The following TMEM17 variants were observed in gnomAD, a reference collection of about 807,000 sequenced individuals.
TMEM17 encodes transmembrane protein 17.
TMEM17 carries 15 observed loss-of-function variants against 19.1 expected under a neutral mutation model. That is an observed-to-expected ratio of 0.78 (90% CI 0.52 to 1.21). The LOEUF is 1.21. TMEM17 is among the 50% of genes most tolerant of loss of function. The pLI is 0.00. For missense variants in TMEM17, 245 were observed against 242.3 expected, an observed-to-expected ratio of 1.01 and a Z score of -0.07; for synonymous variants, 103 against 86.9, an observed-to-expected ratio of 1.19 and a Z score of -1.03.
intron 1 of TMEM17, among the ~76,000 whole-genome samples, chr2:62,503,357 C>G (rs1325115619): frequency 2.0e-5 from 3 of 152,114 alleles, no homozygotes; most frequent in Non-Finnish European, 4.4e-5. Context: ...ATACCTTTCC[C>G]CTTTAGGTAC....
rs761041103 is a variant in TMEM17, at chr2:62,501,230, C to T, written c.576G>A (p.Arg192=). 1 of 1,614,176 alleles carries T rather than the reference C, an allele frequency of 6.2e-7. No homozygotes were observed. The highest frequency in any genetic ancestry group is 1.6e-4 in the Middle Eastern group (1 of 6,062). Residue 192 remains arginine (R), a synonymous_variant, in exon 4 of 4, where the codon AGG becomes AGA. Coordinates refer to ENST00000335390, the MANE Select transcript of TMEM17 (RefSeq NM_198276.3). Reference sequence around the variant, plus strand: ...TGGATCAGATCTCTTCTATACATGACCTCATCCTTCTCATGTCTCCTCTGT... The same window carrying T: ...TGGATCAGATCTCTTCTATACATGATCTCATCCTTCTCATGTCTCCTCTGT... ...SANRGDMRRM[R]SCIEEI is the part of the protein sequence containing the mutation.
chr2:62,479,580 C>T, the TMEM17 span, among the ~76,000 whole-genome samples: 1 of 151,966 alleles, frequency 6.6e-6, no homozygotes, highest in African/African-American at 2.4e-5. Flanking sequence ...ATTTCCTTTC[C>T]TTTGTATAAA....
At chr2:62,501,758 GAT>G in intron 3 of TMEM17, 1 of 327,570 alleles carries the variant, frequency 3.1e-6, no homozygotes, top group Non-Finnish European at 5.6e-6. Context: ...ATAAGGGAGT[GAT>G]TAGGGTAGGT....
the TMEM17 span, among the ~76,000 whole-genome samples, chr2:62,453,571 G>A: frequency 1.3e-5 from 2 of 152,114 alleles, no homozygotes; most frequent in African/African-American, 4.8e-5. Flanking sequence ...TCTATGCCAG[G>A]CTGCTATTAG....
the TMEM17 span, among the ~76,000 whole-genome samples, chr2:62,480,779 A>G: frequency 6.6e-6 from 1 of 152,190 alleles, no homozygotes; most frequent in Non-Finnish European, 1.5e-5. Flanking sequence ...GTCTGTTTTT[A>G]TGCCAATACC....
At chr2:62,458,008 C>T in the TMEM17 span, among the ~76,000 whole-genome samples, 6 of 152,202 alleles carry the variant, frequency 3.9e-5, no homozygotes, top group African/African-American at 1.2e-4. Context: ...TTGCTACTAG[C>T]TGGGTGGCAG....
At chr2:62,460,777 C>T in the TMEM17 span, among the ~76,000 whole-genome samples, 3 of 152,218 alleles carry the variant, frequency 2.0e-5, no homozygotes, top group Non-Finnish European at 4.4e-5. Context: ...GCACTTTTGT[C>T]TCCAGACAAA....
At chr2:62,457,981 G>A in the TMEM17 span, among the ~76,000 whole-genome samples, 13 of 152,166 alleles carry the variant, frequency 8.5e-5, no homozygotes, top group Non-Finnish European at 1.5e-4. The surrounding 1 kb of genome is among the most constrained non-coding windows in gnomAD (Gnocchi z 4.2). Context: ...AAAAAGACCC[G>A]GGTGTTAGAT....
downstream of TMEM17, among the ~76,000 whole-genome samples, chr2:62,498,092 A>G (rs926702152): frequency 2.6e-5 from 4 of 152,222 alleles, no homozygotes; most frequent in African/African-American, 9.7e-5. Flanking sequence ...TTTTAAAACA[A>G]TTTTGATTTA....
downstream of TMEM17, among the ~76,000 whole-genome samples, chr2:62,496,528 T>C (rs1419982867): frequency 6.6e-6 from 1 of 152,192 alleles, no homozygotes; most frequent in Non-Finnish European, 1.5e-5. Flanking sequence ...ACTTTTAATG[T>C]TTTCAGAAAA....
chr2:62,478,350 A>G, the TMEM17 span, among the ~76,000 whole-genome samples: 1 of 152,190 alleles, frequency 6.6e-6, no homozygotes, highest in Admixed American at 6.5e-5. Flanking sequence ...GAAGGGAGCA[A>G]CATGTACTGC....
intron 1 of TMEM17, among the ~76,000 whole-genome samples, chr2:62,504,660 G>A (rs935809391): frequency 6.6e-6 from 1 of 152,194 alleles, no homozygotes; most frequent in Admixed American, 6.5e-5. Flanking sequence ...GTTGAGTTCT[G>A]TAAATGGAAT....
At chr2:62,462,649 G>T in the TMEM17 span, among the ~76,000 whole-genome samples, 1 of 152,148 alleles carries the variant, frequency 6.6e-6, no homozygotes, top group South Asian at 2.1e-4. Context: ...AAGGCCCCTC[G>T]AGGCTACATT....
the TMEM17 span, among the ~76,000 whole-genome samples, chr2:62,479,344 C>T: frequency 6.6e-6 from 1 of 152,190 alleles, no homozygotes. Context: ...CTGTGCCTGG[C>T]TTATTCACTA....
At chr2:62,504,619 CAT>C (rs1251393546) in intron 1 of TMEM17, among the ~76,000 whole-genome samples, 2 of 151,766 alleles carry the variant, frequency 1.3e-5, no homozygotes, top group Non-Finnish European at 2.9e-5. Context: ...AAGCGTAAGA[CAT>C]AAACTTACTA....
chr2:62,492,526 C>T, the TMEM17 span, among the ~76,000 whole-genome samples: 1 of 152,150 alleles, frequency 6.6e-6, no homozygotes, highest in African/African-American at 2.4e-5. Flanking sequence ...CACAAAGATT[C>T]AAATATGAGT....
the TMEM17 span, among the ~76,000 whole-genome samples, chr2:62,462,563 C>A: frequency 6.6e-6 from 1 of 152,144 alleles, no homozygotes; most frequent in South Asian, 2.1e-4. Context: ...GGAAGGTACT[C>A]AGTATTTGAA....
chr2:62,470,857 A>AT, the TMEM17 span, among the ~76,000 whole-genome samples: 2 of 152,214 alleles, frequency 1.3e-5, no homozygotes, highest in African/African-American at 4.8e-5. Flanking sequence ...CAACACCCTT[A>AT]TTTAACTTAA....
chr2:62,505,219 G>T (rs1680034402), intron 1 of TMEM17, among the ~76,000 whole-genome samples: 1 of 152,138 alleles, frequency 6.6e-6, no homozygotes, highest in Non-Finnish European at 1.5e-5. Context: ...AAAACCACAT[G>T]GGTTTGGTTG....
Sources: gnomAD v4.1 joint callset for allele counts (sites outside exome capture counted in the v4.1 genomes callset) on GRCh38, gnomAD v4.1.1 for gene constraint, Gnocchi (gnomAD v3.1) non-coding constraint, MANE v1.5 for transcripts, NCBI Gene and HGNC (gene_info 2026-07-23, HGNC 2026-07-21) for gene names.